The following MTCL3 variants were observed in gnomAD, a reference collection of about 807,000 sequenced individuals.
MTCL3 encodes MTCL family member 3.
chr6:127,491,909 C>T, the MTCL3 span, among the ~76,000 whole-genome samples: 1 of 148,000 alleles, frequency 6.8e-6, no homozygotes, highest in Non-Finnish European at 1.5e-5. Context: ...AAAAGATGGA[C>T]TCTACTTCCG....
At chr6:127,481,713 T>C in the MTCL3 span, among the ~76,000 whole-genome samples, 10,764 of 152,186 alleles carry the variant, frequency 0.071, 1,438 homozygotes, top group East Asian at 0.64. Flanking sequence ...TCTAGCCAAG[T>C]GCTTTTGGAG....
the MTCL3 span, among the ~76,000 whole-genome samples, chr6:127,500,904 T>A: frequency 6.6e-6 from 1 of 152,124 alleles, no homozygotes; most frequent in South Asian, 2.1e-4. Flanking sequence ...CTCCACCTCC[T>A]GGGTTCAGGC....
At chr6:127,486,730 G>T in the MTCL3 span, among the ~76,000 whole-genome samples, 1 of 152,252 alleles carries the variant, frequency 6.6e-6, no homozygotes, top group African/African-American at 2.4e-5. Context: ...AGAAGGCCAG[G>T]AATTAGAGAG....
At chr6:127,474,125 A>C in the MTCL3 span, among the ~76,000 whole-genome samples, 1 of 151,666 alleles carries the variant, frequency 6.6e-6, no homozygotes, top group Non-Finnish European at 1.5e-5. Context: ...TTTTCTCTGG[A>C]AATAATGATC....
chr6:127,502,675 A>T, the MTCL3 span, among the ~76,000 whole-genome samples: 2 of 152,190 alleles, frequency 1.3e-5, no homozygotes, highest in African/African-American at 4.8e-5. Context: ...TCTTCCCAGG[A>T]ATTGTCTTTA....
At chr6:127,504,562 T>C in the MTCL3 span, among the ~76,000 whole-genome samples, 2 of 151,056 alleles carry the variant, frequency 1.3e-5, no homozygotes, top group Non-Finnish European at 2.9e-5. Flanking sequence ...TAGAGGGGAG[T>C]GGTGGAGAAT....
At chr6:127,484,912 G>GC in the MTCL3 span, among the ~76,000 whole-genome samples, 4 of 152,250 alleles carry the variant, frequency 2.6e-5, no homozygotes, top group South Asian at 2.1e-4. Flanking sequence ...ATTATCAAAA[G>GC]CATCAGTTAT....
the MTCL3 span, among the ~76,000 whole-genome samples, chr6:127,487,800 C>T: frequency 2.0e-5 from 3 of 152,150 alleles, no homozygotes; most frequent in Non-Finnish European, 4.4e-5. Context: ...CAGTGGCTTC[C>T]CATCTCACTG....
chr6:127,492,158 T>G, the MTCL3 span, among the ~76,000 whole-genome samples: 1 of 152,188 alleles, frequency 6.6e-6, no homozygotes, highest in East Asian at 1.9e-4. Context: ...CAGAGCCTTC[T>G]AGCTGTTATC....
At chr6:127,473,102 C>T in the MTCL3 span, 3 of 1,163,708 alleles carry the variant, frequency 2.6e-6, no homozygotes, top group Non-Finnish European at 2.1e-6. Context: ...AGTGTTTGGG[C>T]TTCTTATTGA....
At chr6:127,486,256 C>A in the MTCL3 span, among the ~76,000 whole-genome samples, 1 of 152,136 alleles carries the variant, frequency 6.6e-6, no homozygotes, top group South Asian at 2.1e-4. Flanking sequence ...GTAAAGCCTT[C>A]CCCTTGAATA....
At chr6:127,475,282 C>T in the MTCL3 span, 3 of 1,587,666 alleles carry the variant, frequency 1.9e-6, no homozygotes, top group Non-Finnish European at 2.6e-6. This position sits in a 1 kb window ranked among gnomAD's most constrained non-coding sequence, Gnocchi z 7.3. Context: ...TCGCAATAGG[C>T]AGAACTGTAC....
chr6:127,517,959 T>G, the MTCL3 span, among the ~76,000 whole-genome samples: 1 of 152,266 alleles, frequency 6.6e-6, no homozygotes, highest in Non-Finnish European at 1.5e-5. Flanking sequence ...TTATTTTACT[T>G]GCATTATTCT....
chr6:127,516,085 C>T, the MTCL3 span: 1 of 1,501,970 alleles, frequency 6.7e-7, no homozygotes, highest in African/African-American at 1.4e-5. Flanking sequence ...GGAGCCGCCG[C>T]CGGCTCCTCC....
chr6:127,473,034 G>A, the MTCL3 span: 12 of 986,034 alleles, frequency 1.2e-5, no homozygotes, highest in Non-Finnish European at 1.5e-5. Context: ...AAAAAAAGAA[G>A]TAAAAATTAA....
the MTCL3 span, chr6:127,515,638 G>T: frequency 7.0e-7 from 1 of 1,436,784 alleles, no homozygotes; most frequent in Non-Finnish European, 9.1e-7. This position sits in a 1 kb window ranked among gnomAD's most constrained non-coding sequence, Gnocchi z 4.3. Flanking sequence ...CCCGCCGCTC[G>T]CGCTGCCCTC....
At chr6:127,477,535 C>T in the MTCL3 span, among the ~76,000 whole-genome samples, 3 of 152,138 alleles carry the variant, frequency 2.0e-5, no homozygotes, top group East Asian at 1.9e-4. Context: ...ATCCAGTACT[C>T]GGTCATCTGT....
the MTCL3 span, chr6:127,518,928 G>A: frequency 6.6e-6 from 1 of 152,286 alleles, no homozygotes; most frequent in Non-Finnish European, 1.5e-5. Context: ...AGATGTTCAT[G>A]AGCTGACCTC....
the MTCL3 span, among the ~76,000 whole-genome samples, chr6:127,488,754 A>C: frequency 6.6e-6 from 1 of 152,258 alleles, no homozygotes; most frequent in Non-Finnish European, 1.5e-5. Flanking sequence ...AAAAGTATTT[A>C]AAACAGGACA....
Sources: allele counts gnomAD v4.1 joint callset (sites outside exome capture counted in the v4.1 genomes callset), GRCh38; gene constraint gnomAD v4.1.1; non-coding constraint Gnocchi (gnomAD v3.1); transcripts MANE v1.5; gene names NCBI Gene and HGNC (gene_info 2026-07-23, HGNC 2026-07-21).